The following LHX1 variants were observed in gnomAD, a reference collection of about 807,000 sequenced individuals.
LHX1 encodes LIM/homeobox protein Lhx1.
Under a neutral mutation model 34.1 loss-of-function variants are expected in LHX1, and 9 were observed. The ratio of observed to expected loss-of-function variants is 0.26; its 90% CI spans 0.16 to 0.46. The LOEUF is 0.46. LHX1 is among the 20% of genes least tolerant of loss of function. The pLI is 1.00. For missense variants in LHX1, 446 were observed against 559.1 expected (o/e 0.80, Z 2.04); for synonymous variants, 254 against 241.5 (o/e 1.05, Z -0.48).
At chr17:36,938,744 T>A (rs1338553872) in intron 1 of LHX1, 6 of 386,446 alleles carry the variant, frequency 1.6e-5, no homozygotes, top group Non-Finnish European at 3.0e-5. Context: ...TCGGGGTTGT[T>A]TGCCCTCCAG....
chr17:36,937,498 CCT>C lies in LHX1; in HGVS notation c.-697_-696del. 1 of 320,732 alleles carries C rather than the reference CCT, an allele frequency of 3.1e-6. No homozygotes were observed. The highest frequency in any genetic ancestry group is 6.1e-6 in the Non-Finnish European group (1 of 163,766). The allele number at this position is 320,732 out of a possible 1,614,324, so 19.9% of individuals were successfully genotyped here. A position where few individuals can be genotyped will look rare whatever the true frequency, so the allele number is the denominator to read the frequency against. The stretch of plus-strand genomic sequence containing the variant: ...CACCAAGATCTTCCTCCTACCCTCC[CCT>C]CTTTCCCTTCTCCCGCGGTCGGCCC... On this transcript the variant is annotated 5_prime_UTR_variant, in exon 1 of 5. Coordinates refer to ENST00000614239, the MANE Select transcript of LHX1 (RefSeq NM_005568.5).
intron 3 of LHX1, chr17:36,941,173 G>A: frequency 1.4e-6 from 1 of 690,460 alleles, no homozygotes; most frequent in Non-Finnish European, 2.6e-6. Context: ...ACTCTGGAGA[G>A]AGTGGGGAGC....
At chr17:36,937,090 C>T, upstream of LHX1, 1 of 344,026 alleles carries the variant, frequency 2.9e-6, no homozygotes, top group Non-Finnish European at 5.8e-6. Context: ...AGATTTGCCA[C>T]CACAACGAAA....
chr17:36,937,778 C>T lies in LHX1; in HGVS notation c.-420C>T. 1 of 473,796 alleles carries T rather than the reference C, an allele frequency of 2.1e-6. No homozygotes were observed. Among genetic ancestry groups the T allele is most frequent in the Non-Finnish European group, 4.2e-6 (1 of 239,406 alleles). The allele number at this position is 473,796 out of a possible 1,614,324, so 29.3% of individuals were successfully genotyped here. On this transcript the variant is annotated 5_prime_UTR_variant, in exon 1 of 5. Transcript: ENST00000614239. Reference sequence around the variant, plus strand: ...CCGGAGAACTCAGCGGCGCTTTCCTCGCAACCCGAGCTCGGCGAGTCGTCG... The same window carrying T: ...CCGGAGAACTCAGCGGCGCTTTCCTTGCAACCCGAGCTCGGCGAGTCGTCG...
At position 36,941,139 on chromosome 17, in the gene LHX1, G is replaced by A. The variant is rs1265450416; in HGVS notation, c.675+252G>A. On this transcript the variant is annotated intron_variant, in intron 3 of 4. Coordinates refer to ENST00000614239, the MANE Select transcript of LHX1 (RefSeq NM_005568.5). ...GGGAGGGACGGGAGTTCAGCCAGAG[G>A]CTGGAGGAGGAGAACTGTTGAACAC... 7.0e-6 allele frequency: 5 copies of A among 717,616 alleles called. No individual in the cohort carries two copies. In the East Asian group the frequency reaches 1.1e-4, roughly 15 times the overall value. The allele number at this position is 717,616 out of a possible 1,614,324, so 44.5% of individuals were successfully genotyped here.
In LHX1 at chr17:36,940,515, G is replaced by T. The variant is rs1377633904; in HGVS notation, c.396G>T (p.Ser132=). The change falls in exon 2 of 5, where the codon TCG becomes TCT. Residue 132 remains serine (S), a splice_region_variant and synonymous_variant. Coordinates refer to ENST00000614239, the MANE Select transcript of LHX1 (RefSeq NM_005568.5). ...SSVAKENSLH[S]ATTGSDPSLS... ...TTGCCAAAGAGAACAGCCTTCACTC[G>T]GGTGAGGCCCCAATTCCTGGCTGGC... 4 of 1,613,858 alleles carry T rather than the reference G, an allele frequency of 2.5e-6. No homozygotes were observed. In the East Asian group the frequency reaches 6.7e-5, roughly 27 times the overall value.
intron 1 of LHX1, 158 bp downstream of exon 1, chr17:36,938,525 G>T: frequency 1.3e-6 from 1 of 745,662 alleles, no homozygotes; most frequent in Non-Finnish European, 2.3e-6. Flanking sequence ...GCCAGCTGGC[G>T]CGCTGGGAGC....
chr17:36,941,288 C>G, intron 3 of LHX1: 4 of 420,718 alleles, frequency 9.5e-6, no homozygotes, highest in South Asian at 8.0e-5. Flanking sequence ...ACAAAGTGAA[C>G]TCTTCCTAAG....
chr17:36,937,235 G>C, upstream of LHX1: 1 of 452,422 alleles, frequency 2.2e-6, no homozygotes. Context: ...CACGATGCAC[G>C]GCCAGGCGCG....
chr17:36,940,719 C>T lies in LHX1; in HGVS notation c.507C>T (p.Asn169=), dbSNP rs1292139982. The T allele has an allele frequency of 3.1e-6, 5 of 1,613,790 alleles. No homozygotes were observed. Among genetic ancestry groups the T allele is most frequent in the Non-Finnish European group, 3.4e-6 (4 of 1,180,054 alleles). The change falls in exon 3 of 5, where the codon AAC becomes AAT. Residue 169 remains asparagine (N), a synonymous_variant. Transcript: ENST00000614239. ...ANVSDKEAGS[N]ENDDQNLGAK... ...TGTCGGACAAGGAAGCGGGTAGCAA[C>T]GAGAATGACGACCAGAACCTGGGCG...
rs376082092 is a variant in LHX1, at chr17:36,940,903, G to T, written c.675+16G>T. 1.3e-6 allele frequency: 2 copies of T among 1,567,942 alleles called. No homozygotes were observed. Among genetic ancestry groups the T allele is most frequent in the African/African-American group, 1.4e-5 (1 of 73,946 alleles). On this transcript the variant is annotated intron_variant, in intron 3 of 4. Coordinates refer to ENST00000614239, the MANE Select transcript of LHX1 (RefSeq NM_005568.5). ...CGTCATTCAGGTCAGGCCCCGGCGCGCCTCTCCATCCCACAGAGGCCCACA... is the reference window on the plus strand; with the variant it reads ...CGTCATTCAGGTCAGGCCCCGGCGCTCCTCTCCATCCCACAGAGGCCCACA...
rs868163890 is a variant in LHX1, at chr17:36,942,304, G to T, written c.780G>T (p.Pro260=). The T allele has an allele frequency of 1.9e-6, 3 of 1,593,786 alleles. No individual in the cohort carries two copies. Among genetic ancestry groups the T allele is most frequent in the Admixed American group, 1.8e-5 (1 of 56,562 alleles). ...AFFRSPRRMR[P]LVDRLEPGEL... ...TCCGCAGTCCGCGCCGGATGCGGCC[G>T]CTGGTGGACCGCCTGGAGCCGGGCG... The change falls in exon 4 of 5, where the codon CCG becomes CCT. Residue 260 remains proline, a synonymous_variant. Transcript: ENST00000614239.
At position 36,942,180 on chromosome 17, in the gene LHX1, C is replaced by G; in HGVS notation, c.676-20C>G. The stretch of plus-strand genomic sequence containing the variant: ...GGGGGTGGAGTCTCGGTGGCCTCAC[C>G]CCGCCGCCATGTGCTGCAGGTCTGG... On this transcript the variant is annotated intron_variant, in intron 3 of 4. Transcript: ENST00000614239. The G allele has an allele frequency of 6.4e-7, 1 of 1,564,888 alleles. No homozygotes were observed. The highest frequency in any genetic ancestry group is 8.6e-7 in the Non-Finnish European group (1 of 1,164,480).
Position 36,942,953 on chromosome 17 carries a change from C to A in LHX1, c.1043C>A (p.Ala348Glu), listed in dbSNP as rs540796937. 7.5e-6 allele frequency: 12 copies of A among 1,609,434 alleles called. 1 individual carries two copies. The highest frequency in any genetic ancestry group is 1.7e-4 in the Middle Eastern group (1 of 6,036). Reference sequence around the variant, plus strand: ...GCGCAGCGGTTTACCGACATCCTGGCGCACCCACCCGGGGACTCGCCCAGC... The same window carrying A: ...GCGCAGCGGTTTACCGACATCCTGGAGCACCCACCCGGGGACTCGCCCAGC... ...SEAQRFTDILAHPPGDSPSPE... is the reference protein window; with the variant it reads ...SEAQRFTDILEHPPGDSPSPE... Residue 348 changes from alanine (A) to glutamate (E), a missense_variant, in exon 5 of 5, where the codon GCG (alanine) becomes GAG (glutamate). Ala to Glu is a moderately radical substitution (Grantham distance 107). Around this residue, in one of 3 missense-constraint regions of LHX1, gnomAD observed 235 missense variants for 224.4 expected, o/e 1.05. Coordinates refer to ENST00000614239, the MANE Select transcript of LHX1 (RefSeq NM_005568.5).
Position 36,942,349 on chromosome 17 carries a change from C to G in LHX1, c.825C>G (p.Pro275=). The change falls in exon 4 of 5, where the codon CCC becomes CCG. Residue 275 remains proline, a synonymous_variant. Transcript: ENST00000614239. ...LEPGELIPNG[P]FSFYGDYQSE... is the part of the protein sequence containing the mutation. Reference sequence around the variant, plus strand: ...CGGGCGAGCTCATCCCCAATGGTCCCTTCTCCTTCTACGGAGGTGGGTGCG... The same window carrying G: ...CGGGCGAGCTCATCCCCAATGGTCCGTTCTCCTTCTACGGAGGTGGGTGCG... 1 of 1,586,202 alleles carries G rather than the reference C, an allele frequency of 6.3e-7. No individual in the cohort carries two copies. The highest frequency in any genetic ancestry group is 8.6e-7 in the Non-Finnish European group (1 of 1,167,266).
At chr17:36,939,788 A>G (rs1199556297) in intron 1 of LHX1, among the ~76,000 whole-genome samples, 1 of 152,284 alleles carries the variant, frequency 6.6e-6, no homozygotes, top group African/African-American at 2.4e-5. Flanking sequence ...GGGGCTAGAC[A>G]TCGCCAACCC....
At chr17:36,939,596 A>G (rs1301150679) in intron 1 of LHX1, among the ~76,000 whole-genome samples, 1 of 152,154 alleles carries the variant, frequency 6.6e-6, no homozygotes, top group Non-Finnish European at 1.5e-5. Context: ...GGCAAACCGT[A>G]CTCGTACCCG....
intron 4 of LHX1, 142 bp downstream of exon 4, chr17:36,942,507 A>C: frequency 2.0e-6 from 2 of 987,220 alleles, no homozygotes; most frequent in Non-Finnish European, 3.0e-6. Context: ...GGAGTAAATC[A>C]AGGGGAGGCG....
chr17:36,943,012 A>C lies in LHX1; in HGVS notation c.1102A>C (p.Met368Leu). The C allele has an allele frequency of 1.9e-6, 3 of 1,609,908 alleles. No homozygotes were observed. Among genetic ancestry groups the C allele is most frequent in the Non-Finnish European group, 2.5e-6 (3 of 1,178,300 alleles). ...EPSLPGPLHSMSAEVFGPSPP... is the reference protein window; with the variant it reads ...EPSLPGPLHSLSAEVFGPSPP... ...CAGCCTGCCCGGGCCTCTGCACTCC[A>C]TGTCGGCCGAGGTCTTCGGACCCAG... Residue 368 changes from methionine (M) to leucine (L), a missense_variant, in exon 5 of 5, where the codon ATG becomes CTG. Coordinates refer to ENST00000614239, the MANE Select transcript of LHX1 (RefSeq NM_005568.5).
Sources: allele counts gnomAD v4.1 joint callset (sites outside exome capture counted in the v4.1 genomes callset), GRCh38; gene constraint gnomAD v4.1.1; regional missense constraint gnomAD v4.1.1; transcripts MANE v1.5; gene names NCBI Gene and HGNC (gene_info 2026-07-23, HGNC 2026-07-21).